SLCO1B1: variants seen among roughly 807,000 people sequenced by gnomAD.
The protein encoded by SLCO1B1 is OATP-2.
SLCO1B1 carries 81 observed loss-of-function variants against 70.1 expected under a neutral mutation model. That is an observed-to-expected ratio of 1.16 (90% CI 0.97 to 1.39). The LOEUF is 1.39. Among genes scored for constraint, SLCO1B1 ranks in the 40% most tolerant of loss-of-function variants. The probability of loss-of-function intolerance (pLI) is 0.00; values close to 1 mark genes in which losing one functional copy is unlikely to be tolerated. For missense variants in SLCO1B1, 895 were observed against 799.6 expected (o/e 1.12, Z -1.44); for synonymous variants, 283 against 271.5 (o/e 1.04, Z -0.42).
chr12:21,141,787 T>C, intron 2 of SLCO1B1, 129 bp downstream of exon 2: 2 of 590,846 alleles, frequency 3.4e-6, no homozygotes, highest in Non-Finnish European at 6.0e-6. Flanking sequence ...TATTGAAATA[T>C]TAACATAATG....
Position 21,194,867 on chromosome 12 carries a change from G to A in SLCO1B1, c.728-2079G>A, listed in dbSNP as rs575817322. 3.9e-5 allele frequency among the ~76,000 whole-genome samples: 6 copies of A among 152,318 alleles called. No homozygotes were observed. The East Asian group carries it at 1.2e-3, about 29-fold the overall frequency. Reference sequence around the variant, plus strand: ...CTGGCATTATCTCAGATTCTGAGGAGACCCCAAGGAGCTTTTACTCCTGGC... The same window carrying A: ...CTGGCATTATCTCAGATTCTGAGGAAACCCCAAGGAGCTTTTACTCCTGGC... On this transcript the variant is annotated intron_variant, in intron 7 of 14. Transcript: ENST00000256958.
chr12:21,169,745 A>ATTT (rs60617481), intron 2 of SLCO1B1, among the ~76,000 whole-genome samples: 18 of 151,064 alleles, frequency 1.2e-4, no homozygotes, highest in East Asian at 3.9e-4. Context: ...TGGAGATGTA[A>ATTT]TTTTTTTTTC....
At chr12:21,207,660 G>A (rs775203813) in intron 11 of SLCO1B1, among the ~76,000 whole-genome samples, 9 of 152,062 alleles carry the variant, frequency 5.9e-5, no homozygotes, top group East Asian at 5.8e-4. Flanking sequence ...GTATATACCC[G>A]GTAGTGGGAT....
chr12:21,199,789 TTTTGTTTG>T (rs3060579), intron 8 of SLCO1B1, among the ~76,000 whole-genome samples: 32 of 151,968 alleles, frequency 2.1e-4, no homozygotes, highest in African/African-American at 6.5e-4. Context: ...TTTTGGGTTT[TTTTGTTTG>T]TTTGTTTGTT....
At chr12:21,193,327 G>A (rs2121133529) in intron 7 of SLCO1B1, among the ~76,000 whole-genome samples, 1 of 152,248 alleles carries the variant, frequency 6.6e-6, no homozygotes, top group South Asian at 2.1e-4. Flanking sequence ...AGGGCTAACT[G>A]TAATACACTA....
intron 10 of SLCO1B1, 126 bp downstream of exon 10, chr12:21,202,812 T>C: frequency 2.8e-6 from 2 of 708,108 alleles, no homozygotes; most frequent in Non-Finnish European, 2.3e-6. Context: ...AAATTTCAAT[T>C]TTAAAATTTT....
Position 21,223,809 on chromosome 12 carries a change from G to A in SLCO1B1, c.1748-913G>A, listed in dbSNP as rs371493549. On this transcript the variant is annotated intron_variant, in intron 13 of 14. Transcript: ENST00000256958. ...ATCTTAAGGACAGTTCTCTACTGGC[G>A]TGTCCCTAAAATTCTTCATCAAATT... 3.9e-5 allele frequency among the ~76,000 whole-genome samples: 6 copies of A among 152,114 alleles called. No individual in the cohort carries two copies. The East Asian group carries it at 9.7e-4, about 24-fold the overall frequency.
At position 21,141,545 on chromosome 12, in the gene SLCO1B1, A is replaced by C. The variant is rs773859906; in HGVS notation, c.-30A>C. ...GTTTCAAACTGAGCATCAACAACAA[A>C]AACATTTGTATGATATCTATATTTC... On this transcript the variant is annotated 5_prime_UTR_variant, in exon 2 of 15. Transcript: ENST00000256958. The C allele has an allele frequency of 7.6e-6, 11 of 1,439,442 alleles. No homozygotes were observed. The highest frequency in any genetic ancestry group is 9.8e-6 in the Non-Finnish European group (10 of 1,023,788). 89.2% of individuals were successfully genotyped at this position (1,439,442 alleles called of 1,614,324 possible).
intron 7 of SLCO1B1, among the ~76,000 whole-genome samples, chr12:21,196,090 G>A (rs1941089030): frequency 6.6e-6 from 1 of 152,162 alleles, no homozygotes; most frequent in South Asian, 2.1e-4. Flanking sequence ...AAGTGTCAAT[G>A]TAGCTAATAT....
intron 2 of SLCO1B1, among the ~76,000 whole-genome samples, chr12:21,166,860 A>C (rs1277950064): frequency 6.6e-6 from 1 of 152,220 alleles, no homozygotes; most frequent in Non-Finnish European, 1.5e-5. Flanking sequence ...TAGCAGCCTT[A>C]TTGATAATTG....
intron 14 of SLCO1B1, among the ~76,000 whole-genome samples, chr12:21,234,596 T>C (rs571463859): frequency 6.6e-6 from 1 of 152,272 alleles, no homozygotes; most frequent in African/African-American, 2.4e-5. Flanking sequence ...GCTTGGAGGA[T>C]AGAAGCAAGA....
chr12:21,135,815 C>G (rs1477024057), intron 1 of SLCO1B1, among the ~76,000 whole-genome samples: 4 of 152,116 alleles, frequency 2.6e-5, no homozygotes, highest in Admixed American at 6.5e-5. Context: ...CTTTTAATTG[C>G]AGCATTTAGC....
chr12:21,228,208 C>T (rs1000154926), intron 14 of SLCO1B1, among the ~76,000 whole-genome samples: 3 of 151,998 alleles, frequency 2.0e-5, no homozygotes, highest in Admixed American at 6.6e-5. Flanking sequence ...TGATTAAAGT[C>T]GATTTTTAAA....
At chr12:21,175,584 G>T (rs1037222735) in intron 4 of SLCO1B1, among the ~76,000 whole-genome samples, 3 of 152,100 alleles carry the variant, frequency 2.0e-5, no homozygotes, top group African/African-American at 7.2e-5. Flanking sequence ...GCCAAATCCA[G>T]CAATGACATC....
At chr12:21,142,589 C>T (rs1255383026) in intron 2 of SLCO1B1, among the ~76,000 whole-genome samples, 1 of 151,888 alleles carries the variant, frequency 6.6e-6, no homozygotes, top group East Asian at 1.9e-4. Flanking sequence ...TTCCTTTTAG[C>T]TCCTTCCAGG....
intron 12 of SLCO1B1, among the ~76,000 whole-genome samples, chr12:21,217,582 G>A (rs896005279): frequency 1.3e-5 from 2 of 151,944 alleles, no homozygotes; most frequent in African/African-American, 2.4e-5. Context: ...TAAAAGAATC[G>A]CCCTAGGATC....
Position 21,238,961 on chromosome 12 carries a change from T to C in SLCO1B1, c.1866-18T>C. The C allele has an allele frequency of 6.9e-7, 1 of 1,448,626 alleles. No individual in the cohort carries two copies. Among genetic ancestry groups the C allele is most frequent in the Non-Finnish European group, 9.6e-7 (1 of 1,036,816 alleles). The allele number at this position is 1,448,626 out of a possible 1,614,324, so 89.7% of individuals were successfully genotyped here. A position where few individuals can be genotyped will look rare whatever the true frequency, so the allele number is the denominator to read the frequency against. Reference sequence around the variant, plus strand: ...CAATTTAAACTGATTTATTGTTTTATTTTCTCTATTTCTACAGAAGGGTCT... The same window carrying C: ...CAATTTAAACTGATTTATTGTTTTACTTTCTCTATTTCTACAGAAGGGTCT... On this transcript the variant is annotated intron_variant, in intron 14 of 14. Coordinates refer to ENST00000256958, the MANE Select transcript of SLCO1B1 (RefSeq NM_006446.5).
At chr12:21,167,760 A>G (rs1229074532) in intron 2 of SLCO1B1, among the ~76,000 whole-genome samples, 1 of 149,592 alleles carries the variant, frequency 6.7e-6, no homozygotes, top group Non-Finnish European at 1.5e-5. Flanking sequence ...GTACCTTTCC[A>G]CTTTCTGTTT....
chr12:21,222,294 T>C lies in SLCO1B1; in HGVS notation c.1683-6T>C. On this transcript the variant is annotated splice_polypyrimidine_tract_variant and splice_region_variant and intron_variant, in intron 12 of 14. Coordinates refer to ENST00000256958, the MANE Select transcript of SLCO1B1 (RefSeq NM_006446.5). The stretch of plus-strand genomic sequence containing the variant: ...TTAATGTTTCTTTGCCTTTGTCTTG[T>C]TTCAGAATTGTTCAACCTGAATTGA... 2 of 1,403,450 alleles carry C rather than the reference T, an allele frequency of 1.4e-6. No individual in the cohort carries two copies. The highest frequency in any genetic ancestry group is 1.9e-6 in the Non-Finnish European group (2 of 1,044,900). 86.9% of individuals were successfully genotyped at this position (1,403,450 alleles called of 1,614,324 possible).
Sources: allele counts gnomAD v4.1 joint callset (sites outside exome capture counted in the v4.1 genomes callset), GRCh38; gene constraint gnomAD v4.1.1; transcripts MANE v1.5; gene names NCBI Gene and HGNC (gene_info 2026-07-23, HGNC 2026-07-21).